Variants in VRK3 observed in about 807,000 individuals in gnomAD.
VRK3 encodes VRK serine/threonine kinase 3.
A neutral mutation model predicts 60.4 loss-of-function variants in VRK3; 50 were observed. The observed-to-expected ratio is 0.83, with a 90% confidence interval of 0.66 to 1.05. The LOEUF is 1.05. Ranked by LOEUF, VRK3 falls within the 50% of genes least tolerant of loss-of-function variation. The probability of loss-of-function intolerance (pLI) is 0.00; values close to 1 mark genes in which losing one functional copy is unlikely to be tolerated. For synonymous variants in VRK3, 246 were observed against 227.8 expected, an observed-to-expected ratio of 1.08 and a Z score of -0.72; for missense variants, 549 against 585.3, an observed-to-expected ratio of 0.94 and a Z score of 0.64.
intron 3 of VRK3, among the ~76,000 whole-genome samples, chr19:50,012,947 C>T (rs576863823): frequency 2.0e-5 from 3 of 152,068 alleles, no homozygotes; most frequent in Admixed American, 6.6e-5. Flanking sequence ...GCGGGTGGAT[C>T]ATGAGGTCAG....
rs756965546 is a variant in VRK3, at chr19:49,988,355, C to T, written c.1217+17G>A. On this transcript the variant is annotated intron_variant, in intron 12 of 14. Coordinates refer to ENST00000316763, the MANE Select transcript of VRK3 (RefSeq NM_016440.4). ...CTGCTGACCACCTGCAGGGGTTCTG[C>T]TGACCCCTAGACTCACTTCTGTTTT... 1 of 1,603,626 alleles carries T rather than the reference C, an allele frequency of 6.2e-7. No individual in the cohort carries two copies. Among genetic ancestry groups the T allele is most frequent in the Non-Finnish European group, 8.5e-7 (1 of 1,176,726 alleles).
At chr19:50,007,443 A>C in intron 5 of VRK3, 126 bp downstream of exon 5, 1 of 1,423,190 alleles carries the variant, frequency 7.0e-7, no homozygotes, top group South Asian at 1.3e-5. Context: ...GTCTAAGAGA[A>C]AGTTGCCTAG....
At position 50,003,777 on chromosome 19, in the gene VRK3, G is replaced by A. The variant is rs532244637; in HGVS notation, c.548-2923C>T. ...AGAAAAGGGCGATTTGCTCTGGGGC[G>A]ATGTCACCCAATGGTGGTGTGTCCC... On this transcript the variant is annotated intron_variant, in intron 5 of 14. Coordinates refer to ENST00000316763, the MANE Select transcript of VRK3 (RefSeq NM_016440.4). Among the ~76,000 whole-genome samples the A allele has an allele frequency of 2.6e-5, 4 of 152,370 alleles. No homozygotes were observed. The South Asian group carries it at 8.3e-4, about 32-fold the overall frequency.
rs943399047 is a variant in VRK3 at position 49,989,541 on chromosome 19, C to T, written c.1096+98G>A. ...TGTCCTGGCGCCCTTAGTGCCTCTC[C>T]TGTCTGGCCACCTGCTGTCTCTGGC... On this transcript the variant is annotated intron_variant, in intron 11 of 14. Coordinates refer to ENST00000316763, the MANE Select transcript of VRK3 (RefSeq NM_016440.4). The T allele has an allele frequency of 3.4e-6, 5 of 1,460,890 alleles. No homozygotes were observed. The African/African-American group carries it at 7.1e-5, about 21-fold the overall frequency. 90.5% of individuals were successfully genotyped at this position (1,460,890 alleles called of 1,614,324 possible). A position where few individuals can be genotyped will look rare whatever the true frequency, so the allele number is the denominator to read the frequency against.
At position 50,007,846 on chromosome 19, in the gene VRK3, TA is replaced by T; in HGVS notation, c.290-21del. 8.7e-6 allele frequency: 14 copies of T among 1,613,720 alleles called. No homozygotes were observed. Among genetic ancestry groups the T allele is most frequent in the Non-Finnish European group, 1.2e-5 (14 of 1,179,844 alleles). ...CGGAGCCTGCAGGAGGATGTAAGAA[TA>T]AAGTAAAAGCACCATCCAGGAGAGA... On this transcript the variant is annotated intron_variant, in intron 4 of 14. Transcript: ENST00000316763.
chr19:49,984,126 T>C (rs915809600), intron 12 of VRK3, among the ~76,000 whole-genome samples: 1 of 152,140 alleles, frequency 6.6e-6, no homozygotes, highest in Non-Finnish European at 1.5e-5. Flanking sequence ...AAAAGCATGA[T>C]AAGACCGCTC....
chr19:49,981,673 G>C, intron 12 of VRK3: 1 of 988,822 alleles, frequency 1.0e-6, no homozygotes, highest in Non-Finnish European at 1.2e-6. Flanking sequence ...AAGACGGAGA[G>C]GATCCCTTTG....
At chr19:49,993,102 T>A in intron 9 of VRK3, 150 bp from the exon 10 acceptor site, 1 of 630,356 alleles carries the variant, frequency 1.6e-6, no homozygotes, top group Non-Finnish European at 2.8e-6. Flanking sequence ...CGGGGTAGCA[T>A]GAGGAGCCCG....
chr19:50,010,576 A>G (rs1365469373), intron 3 of VRK3, among the ~76,000 whole-genome samples: 1 of 152,256 alleles, frequency 6.6e-6, no homozygotes, highest in African/African-American at 2.4e-5. Flanking sequence ...ATCAGTGTGA[A>G]TTCTGGCCCC....
chr19:49,989,916 T>C (rs2076581476), intron 10 of VRK3, 145 bp from the exon 11 acceptor site: 1 of 1,016,250 alleles, frequency 9.8e-7, no homozygotes, highest in African/African-American at 1.6e-5. Context: ...ATAGTAAAAA[T>C]GATGTGAAGT....
intron 10 of VRK3, among the ~76,000 whole-genome samples, chr19:49,990,028 T>A (rs1336028403): frequency 3.4e-5 from 5 of 148,572 alleles, no homozygotes; most frequent in Non-Finnish European, 6.0e-5. Flanking sequence ...ATTCCAAAAT[T>A]TTTTTTTTTT....
rs112244092 is a variant in VRK3, at chr19:50,016,097, A to G, written c.66T>C (p.Cys22=). 2 of 1,614,230 alleles carry G rather than the reference A, an allele frequency of 1.2e-6. No individual in the cohort carries two copies. Among genetic ancestry groups the G allele is most frequent in the Non-Finnish European group, 1.7e-6 (2 of 1,180,046 alleles). Residue 22 remains cysteine (C), a synonymous_variant, in exon 3 of 15, where the codon TGT becomes TGC. Transcript: ENST00000316763. ...GCTCCTCTACAGGCAAAGAATTTCC[A>G]CAGTAGGGGCAGAATTTGAATGCCG... ...IQAAFKFCPY[C]GNSLPVEEHV...
At chr19:49,988,869 ACTAC>A (rs1225619827) in intron 11 of VRK3, among the ~76,000 whole-genome samples, 3 of 152,146 alleles carry the variant, frequency 2.0e-5, no homozygotes, top group Admixed American at 1.3e-4. Context: ...ATAGCGTGCG[ACTAC>A]CTGAGTGACA....
At chr19:49,992,991 C>T (rs745619021) in intron 9 of VRK3, 39 bp from the exon 10 acceptor site, 13 of 1,576,054 alleles carry the variant, frequency 8.2e-6, no homozygotes, top group African/African-American at 5.5e-5. Context: ...ATGAGCAGTA[C>T]GACTAACACA....
At position 50,021,944 on chromosome 19, in the gene VRK3, C is replaced by G. The variant is rs567852015; in HGVS notation, c.-64-1297G>C. On this transcript the variant is annotated intron_variant, in intron 1 of 14. Transcript: ENST00000316763. Reference sequence around the variant, plus strand: ...AGATGAGAAGCAGAGGCTCAGAGAGCAAATGACTTGCCCAGGGCCACAAAC... The same window carrying G: ...AGATGAGAAGCAGAGGCTCAGAGAGGAAATGACTTGCCCAGGGCCACAAAC... 9.8e-5 allele frequency among the ~76,000 whole-genome samples: 15 copies of G among 152,312 alleles called. No individual in the cohort carries two copies. In the South Asian group the frequency reaches 2.7e-3, roughly 27 times the overall value.
intron 5 of VRK3, among the ~76,000 whole-genome samples, chr19:50,002,570 G>C (rs1490007541): frequency 6.6e-6 from 1 of 152,184 alleles, no homozygotes; most frequent in Non-Finnish European, 1.5e-5. Flanking sequence ...AGCAGGAAAA[G>C]CTGGCAATTT....
chr19:49,978,157 T>A (rs1184827035), intron 14 of VRK3, among the ~76,000 whole-genome samples: 1 of 152,090 alleles, frequency 6.6e-6, no homozygotes, highest in Non-Finnish European at 1.5e-5. Context: ...GTGCTGCATG[T>A]CACAGGATGT....
chr19:49,989,785 G>C lies in VRK3; in HGVS notation c.964-14C>G, dbSNP rs1568781664. 1.2e-6 allele frequency: 2 copies of C among 1,605,612 alleles called. No individual in the cohort carries two copies. The highest frequency in any genetic ancestry group is 3.4e-5 in the Admixed American group (2 of 59,594). On this transcript the variant is annotated splice_polypyrimidine_tract_variant and intron_variant, in intron 10 of 14. Transcript: ENST00000316763. ...TGCCAAAGTCACCTGTGGACACAGG[G>C]AAAAGCCATACAGATTGGAGGTTAG...
At chr19:50,025,015 G>A (rs1486886393) in intron 1 of VRK3, 3 of 152,224 alleles carry the variant, frequency 2.0e-5, no homozygotes, top group Admixed American at 6.5e-5. Context: ...GTTTCACAGC[G>A]GAGGAGCTGT....
Sources: gnomAD v4.1 joint callset for allele counts (sites outside exome capture counted in the v4.1 genomes callset) on GRCh38, gnomAD v4.1.1 for gene constraint, MANE v1.5 for transcripts, NCBI Gene and HGNC (gene_info 2026-07-23, HGNC 2026-07-21) for gene names.